FAM53B: variants seen among roughly 807,000 people sequenced by gnomAD.
FAM53B encodes the protein protein FAM53B.
A neutral mutation model predicts 32.7 loss-of-function variants in FAM53B; 12 were observed. The observed-to-expected ratio is 0.37, with a 90% confidence interval of 0.24 to 0.59. The LOEUF (loss-of-function observed/expected upper bound fraction) is 0.59, where lower values mean the gene tolerates loss of function less well. Ranked by LOEUF, FAM53B falls within the 20% of genes least tolerant of loss-of-function variation. The probability of loss-of-function intolerance (pLI) is 0.72; values close to 1 mark genes in which losing one functional copy is unlikely to be tolerated. For synonymous variants in FAM53B, 234 were observed against 228.7 expected (o/e 1.02, Z -0.21); for missense variants, 477 against 577.7 (o/e 0.83, Z 1.79).
chr10:124,734,773 T>C (rs1008342549), intron 1 of FAM53B, among the ~76,000 whole-genome samples: 1 of 152,204 alleles, frequency 6.6e-6, no homozygotes, highest in Non-Finnish European at 1.5e-5. Flanking sequence ...GAGTCAAGAC[T>C]GTCCATCCTG....
intron 4 of FAM53B, among the ~76,000 whole-genome samples, chr10:124,625,377 C>T (rs1443946401): frequency 1.3e-5 from 2 of 152,128 alleles, no homozygotes. Context: ...GCAGGGGCAC[C>T]CATTAGACTG....
intron 4 of FAM53B, among the ~76,000 whole-genome samples, chr10:124,649,722 T>A (rs988262613): frequency 6.6e-6 from 1 of 152,204 alleles, no homozygotes; most frequent in Non-Finnish European, 1.5e-5. Flanking sequence ...GCTGGCGGTG[T>A]CCCTGGTCTC....
At chr10:124,663,441 G>C (rs1949646631) in intron 4 of FAM53B, among the ~76,000 whole-genome samples, 1 of 152,246 alleles carries the variant, frequency 6.6e-6, no homozygotes. Context: ...CACCTCTGCA[G>C]AACAGGCCCA....
At chr10:124,700,030 C>T (rs1368383598) in intron 2 of FAM53B, among the ~76,000 whole-genome samples, 1 of 152,212 alleles carries the variant, frequency 6.6e-6, no homozygotes, top group Non-Finnish European at 1.5e-5. Flanking sequence ...CGTGCTTGAC[C>T]TCAAGACCAG....
intron 4 of FAM53B, among the ~76,000 whole-genome samples, chr10:124,638,794 CGTCCAGCAG>C: frequency 6.6e-6 from 1 of 152,324 alleles, no homozygotes; most frequent in East Asian, 1.9e-4. Context: ...CATCCCAGCA[CGTCCAGCAG>C]GGCAGCTGGC....
intron 4 of FAM53B, among the ~76,000 whole-genome samples, chr10:124,666,155 G>A (rs201187368): frequency 6.6e-6 from 1 of 152,338 alleles, no homozygotes; most frequent in East Asian, 1.9e-4. Flanking sequence ...AAGCTCCCAG[G>A]CTGATAAGCT....
chr10:124,735,367 T>TA (rs372801250), intron 1 of FAM53B, among the ~76,000 whole-genome samples: 195 of 152,206 alleles, frequency 1.3e-3, no homozygotes, highest in Non-Finnish European at 2.0e-3. Context: ...TCACTTTTGG[T>TA]AAAAAAAGAT....
chr10:124,638,457 T>C (rs891068770), intron 4 of FAM53B, among the ~76,000 whole-genome samples: 1 of 152,200 alleles, frequency 6.6e-6, no homozygotes, highest in East Asian at 1.9e-4. Flanking sequence ...TTTTCCCATC[T>C]GTAAAATGGG....
intron 1 of FAM53B, among the ~76,000 whole-genome samples, chr10:124,710,299 C>T (rs1949992173): frequency 6.6e-6 from 1 of 152,218 alleles, no homozygotes; most frequent in Non-Finnish European, 1.5e-5. Flanking sequence ...TTTCTGAACC[C>T]TTTGCAACAC....
chr10:124,736,634 G>C (rs528381909), intron 1 of FAM53B, among the ~76,000 whole-genome samples: 69 of 152,392 alleles, frequency 4.5e-4, no homozygotes, highest in African/African-American at 1.5e-3. Flanking sequence ...GGCTTTGTCT[G>C]TCAGGGTGCT....
rs1949299691 is a variant in FAM53B at position 124,620,355 on chromosome 10, G to GCCCCCCGCC, written c.*2886_*2887insGGCGGGGGG. 1 of 130,714 alleles carries GCCCCCCGCC rather than the reference G, an allele frequency of 7.7e-6. No homozygotes were observed. The highest frequency in any genetic ancestry group is 2.9e-5 in the African/African-American group (1 of 33,938). 8.1% of individuals were successfully genotyped at this position (130,714 alleles called of 1,614,324 possible). A position where few individuals can be genotyped will look rare whatever the true frequency, so the allele number is the denominator to read the frequency against. On this transcript the variant is annotated 3_prime_UTR_variant, in exon 5 of 5. Coordinates refer to ENST00000337318, the MANE Select transcript of FAM53B (RefSeq NM_014661.4). ...ATGAGTGGGGTGCATGTGGCACTAA[G>GCCCCCCGCC]CCCCCCCCACCGCCCCGGCTTTCCT...
chr10:124,667,848 G>C lies in FAM53B; in HGVS notation c.906+13759C>G, dbSNP rs571479741. 6.2e-4 allele frequency among the ~76,000 whole-genome samples: 94 copies of C among 152,328 alleles called. 1 individual carries two copies. Among genetic ancestry groups the C allele is most frequent in the Non-Finnish European group, 1.1e-3 (78 of 68,018 alleles). On this transcript the variant is annotated intron_variant, in intron 4 of 4. Transcript: ENST00000337318. ...CATGCTGGTGCTGAGCCTCTCCAGG[G>C]GGTACTGCACAGCTGCCTGCTGTAG...
chr10:124,627,745 C>G lies in FAM53B; in HGVS notation c.907-4141G>C, dbSNP rs1362148965. On this transcript the variant is annotated intron_variant, in intron 4 of 4. Coordinates refer to ENST00000337318, the MANE Select transcript of FAM53B (RefSeq NM_014661.4). The stretch of plus-strand genomic sequence containing the variant: ...CAGACCCCCTAGACCTCAGCTCTAG[C>G]CACCAAAGAGGCCCTGGCCATTCCC... Among the ~76,000 whole-genome samples the G allele has an allele frequency of 3.3e-5, 5 of 152,326 alleles. No homozygotes were observed. In the East Asian group the frequency reaches 5.8e-4, roughly 18 times the overall value.
chr10:124,635,513 C>A (rs1949424250), intron 4 of FAM53B, among the ~76,000 whole-genome samples: 1 of 152,194 alleles, frequency 6.6e-6, no homozygotes, highest in African/African-American at 2.4e-5. Flanking sequence ...AAACCGTTTA[C>A]CTATCTGGTT....
At chr10:124,691,061 G>A (rs941772729) in intron 3 of FAM53B, among the ~76,000 whole-genome samples, 15 of 152,298 alleles carry the variant, frequency 9.8e-5, no homozygotes, top group African/African-American at 3.1e-4. Context: ...TGAGGGCCAC[G>A]CTTTTCCTGC....
intron 4 of FAM53B, among the ~76,000 whole-genome samples, chr10:124,668,637 T>C (rs554372172): frequency 6.6e-6 from 1 of 152,242 alleles, no homozygotes; most frequent in South Asian, 2.1e-4. Context: ...CCCACAAGGG[T>C]GCTCTCCTTG....
chr10:124,684,957 A>G (rs1949793524), intron 3 of FAM53B, among the ~76,000 whole-genome samples: 1 of 152,270 alleles, frequency 6.6e-6, no homozygotes, highest in Admixed American at 6.5e-5. Context: ...CAAAATGATG[A>G]GTGACAGCAA....
At chr10:124,662,467 CA>C (rs1949639641) in intron 4 of FAM53B, among the ~76,000 whole-genome samples, 1 of 6,028 alleles carries the variant, frequency 1.7e-4, no homozygotes, top group African/African-American at 4.3e-4. Flanking sequence ...CCCACCCATC[CA>C]TCCATCCATC....
chr10:124,734,993 T>G (rs1011717519), intron 1 of FAM53B, among the ~76,000 whole-genome samples: 1 of 152,144 alleles, frequency 6.6e-6, no homozygotes, highest in African/African-American at 2.4e-5. Context: ...TGAGGTCAGG[T>G]TCAGGTGGCA....
Sources: allele counts gnomAD v4.1 joint callset (sites outside exome capture counted in the v4.1 genomes callset), GRCh38; gene constraint gnomAD v4.1.1; transcripts MANE v1.5; gene names NCBI Gene and HGNC (gene_info 2026-07-23, HGNC 2026-07-21).